The following GADL1 variants were observed in gnomAD, a reference collection of about 807,000 sequenced individuals.
GADL1 encodes acidic amino acid decarboxylase GADL1.
GADL1 carries 71 observed loss-of-function variants against 69.5 expected under a neutral mutation model. The observed-to-expected ratio is 1.02, with a 90% CI of 0.84 to 1.25. The LOEUF is 1.25. GADL1 is among the 50% of genes most tolerant of loss of function. The probability of loss-of-function intolerance (pLI) is 0.00; values close to 1 mark genes in which losing one functional copy is unlikely to be tolerated. For missense variants in GADL1, 737 were observed against 631.8 expected (o/e 1.17, Z -1.79); for synonymous variants, 254 against 214.4 (o/e 1.18, Z -1.62).
At chr3:30,753,917 G>GA (rs1316087064) in intron 14 of GADL1, among the ~76,000 whole-genome samples, 1 of 152,192 alleles carries the variant, frequency 6.6e-6, no homozygotes, top group Admixed American at 6.5e-5. Context: ...GATGAATCCA[G>GA]AAGAGGGAAG....
At chr3:30,757,629 C>T (rs1031674927) in intron 14 of GADL1, among the ~76,000 whole-genome samples, 1 of 152,108 alleles carries the variant, frequency 6.6e-6, no homozygotes, top group South Asian at 2.1e-4. Flanking sequence ...CACATAACCC[C>T]CCCACAGAGA....
intron 4 of GADL1, among the ~76,000 whole-genome samples, chr3:30,851,960 A>C (rs1698153961): frequency 6.6e-6 from 1 of 152,120 alleles, no homozygotes; most frequent in Admixed American, 6.6e-5. Context: ...TCTCCAGACA[A>C]CTTGAGGGTG....
intron 14 of GADL1, among the ~76,000 whole-genome samples, chr3:30,758,362 T>TCTTC (rs140299593): frequency 0.015 from 2,250 of 152,320 alleles, 60 homozygotes; most frequent in African/African-American, 0.052. Context: ...TCCCTCCAGC[T>TCTTC]CTTCCTTCCG....
chr3:30,810,631 G>T (rs1177511276), intron 11 of GADL1, among the ~76,000 whole-genome samples: 2 of 152,086 alleles, frequency 1.3e-5, no homozygotes, highest in African/African-American at 4.8e-5. Context: ...CTACAGCCCT[G>T]TGTCCAGCTC....
chr3:30,809,742 A>C (rs954092093), intron 11 of GADL1, among the ~76,000 whole-genome samples: 1 of 152,236 alleles, frequency 6.6e-6, no homozygotes, highest in Non-Finnish European at 1.5e-5. Context: ...ACTTTCATTT[A>C]AGTTCATATT....
intron 1 of GADL1, among the ~76,000 whole-genome samples, chr3:30,863,107 A>C (rs1354282): frequency 6.6e-6 from 1 of 151,842 alleles, no homozygotes; most frequent in African/African-American, 2.4e-5. Flanking sequence ...TTTGTCAGGG[A>C]TACCATATTT....
intron 1 of GADL1, among the ~76,000 whole-genome samples, chr3:30,875,133 A>T (rs1190707280): frequency 6.6e-6 from 1 of 151,590 alleles, no homozygotes; most frequent in African/African-American, 2.4e-5. Context: ...TTGAGATCTC[A>T]GATGATTTGT....
chr3:30,850,914 A>G lies in GADL1; in HGVS notation c.456T>C (p.Phe152=). The change falls in exon 5 of 15, where the codon TTT becomes TTC. Residue 152 remains phenylalanine, a synonymous_variant. Coordinates refer to ENST00000282538, the MANE Select transcript of GADL1 (RefSeq NM_207359.3). ...TCAGAACCGCTTCTTCCACTAACAG[A>G]AACACTGGGGACACCTCATACGTAT... The part of the protein sequence containing the change: ...SVYTYEVSPV[F]LLVEEAVLKK... The G allele has an allele frequency of 6.5e-7, 1 of 1,548,832 alleles. No individual in the cohort carries two copies.
intron 1 of GADL1, among the ~76,000 whole-genome samples, chr3:30,862,156 C>G (rs576648803): frequency 6.6e-6 from 1 of 152,008 alleles, no homozygotes; most frequent in South Asian, 2.1e-4. Flanking sequence ...AATTAGAATG[C>G]TGATTCACAA....
intron 11 of GADL1, among the ~76,000 whole-genome samples, chr3:30,832,660 T>C (rs1261954287): frequency 6.6e-6 from 1 of 152,070 alleles, no homozygotes; most frequent in Non-Finnish European, 1.5e-5. Flanking sequence ...TTGGGTTTAT[T>C]CCTATCTCTG....
At chr3:30,861,904 C>T (rs1237215358) in intron 1 of GADL1, 139 bp from the exon 2 acceptor site, 1 of 599,444 alleles carries the variant, frequency 1.7e-6, no homozygotes, top group Non-Finnish European at 2.9e-6. Flanking sequence ...AGGTGTTGAG[C>T]TGACAATTTC....
chr3:30,770,043 C>T (rs1165376262), intron 14 of GADL1, among the ~76,000 whole-genome samples: 1 of 152,120 alleles, frequency 6.6e-6, no homozygotes, highest in South Asian at 2.1e-4. Context: ...AAAATAAGAC[C>T]CGGCAACCCT....
intron 13 of GADL1, among the ~76,000 whole-genome samples, chr3:30,779,948 C>T (rs1487637057): frequency 6.6e-6 from 1 of 152,132 alleles, no homozygotes; most frequent in African/African-American, 2.4e-5. Context: ...CATGGGTCTC[C>T]TACAGAATCT....
At chr3:30,837,928 G>C (rs962856149) in intron 9 of GADL1, among the ~76,000 whole-genome samples, 1 of 152,094 alleles carries the variant, frequency 6.6e-6, no homozygotes, top group African/African-American at 2.4e-5. Context: ...AATAACTCTA[G>C]TAAACTTTAT....
rs1697550970 is a variant in GADL1 at position 30,820,362 on chromosome 3, C to G, written c.1050+13491G>C. ...TTTACCGAACATATTTTTGAAAATT[C>G]TATCAGTCTATTATAATTGTAACCA... On this transcript the variant is annotated intron_variant, in intron 11 of 14. Coordinates refer to ENST00000282538, the MANE Select transcript of GADL1 (RefSeq NM_207359.3). Among the ~76,000 whole-genome samples the G allele has an allele frequency of 2.0e-5, 3 of 151,872 alleles. No individual in the cohort carries two copies. The South Asian group carries it at 6.2e-4, about 32-fold the overall frequency.
intron 1 of GADL1, among the ~76,000 whole-genome samples, chr3:30,865,194 T>C (rs1698381893): frequency 6.6e-6 from 1 of 151,912 alleles, no homozygotes; most frequent in East Asian, 1.9e-4. Flanking sequence ...GACTACCTCA[T>C]ATGAAGCTGC....
chr3:30,810,821 G>A (rs1697337335), intron 11 of GADL1, among the ~76,000 whole-genome samples: 1 of 151,998 alleles, frequency 6.6e-6, no homozygotes, highest in Admixed American at 6.6e-5. Flanking sequence ...AATGCGCAAA[G>A]GAAATAGCAG....
chr3:30,852,581 G>C (rs894077523), intron 4 of GADL1, among the ~76,000 whole-genome samples: 3 of 151,426 alleles, frequency 2.0e-5, no homozygotes. Flanking sequence ...TACACAAAAA[G>C]TATGAAAAAA....
At chr3:30,742,733 T>C (rs891703050) in intron 14 of GADL1, among the ~76,000 whole-genome samples, 1 of 152,138 alleles carries the variant, frequency 6.6e-6, no homozygotes, top group African/African-American at 2.4e-5. Context: ...TAGTTCTAAA[T>C]ATCATACAAG....
Sources: gnomAD v4.1 joint callset for allele counts (sites outside exome capture counted in the v4.1 genomes callset) on GRCh38, gnomAD v4.1.1 for gene constraint, MANE v1.5 for transcripts, NCBI Gene and HGNC (gene_info 2026-07-23, HGNC 2026-07-21) for gene names.